Variants in IL2RA observed in about 807,000 individuals in gnomAD.
IL2RA encodes the protein interleukin-2 receptor subunit alpha.
Under a neutral mutation model 37.8 loss-of-function variants are expected in IL2RA, and 24 were observed. The observed-to-expected ratio is 0.63, with a 90% CI of 0.46 to 0.89. IL2RA has a LOEUF of 0.89. Ranked by LOEUF, IL2RA falls within the 40% of genes least tolerant of loss-of-function variation. The probability of loss-of-function intolerance (pLI) is 0.00; values close to 1 mark genes in which losing one functional copy is unlikely to be tolerated. For synonymous variants in IL2RA, 125 were observed against 114.6 expected (o/e 1.09, Z -0.58); for missense variants, 319 against 348.6 (o/e 0.92, Z 0.68).
Position 6,028,750 on chromosome 10 carries a change from C to T in IL2RA, c.65-2725G>A, listed in dbSNP as rs1393997983. ...TGGTGGCTCATGCCTGTAATCCCAG[C>T]ACTTTGGGGCGACAAGGCAGGCGGA... On this transcript the variant is annotated intron_variant, in intron 1 of 7. Coordinates refer to ENST00000379959, the MANE Select transcript of IL2RA (RefSeq NM_000417.3). The surrounding 1 kb of genome is among the most constrained non-coding windows in gnomAD (Gnocchi z 4.1). Among the ~76,000 whole-genome samples the T allele has an allele frequency of 6.6e-6, 1 of 152,192 alleles. No homozygotes were observed. The highest frequency in any genetic ancestry group is 6.5e-5 in the Admixed American group (1 of 15,288).
At chr10:6,032,819 G>C (rs78550519) in intron 1 of IL2RA, among the ~76,000 whole-genome samples, 3,342 of 152,130 alleles carry the variant, frequency 0.022, 186 homozygotes, top group East Asian at 0.18. Flanking sequence ...AGAGTAAAAG[G>C]CAAACAGCCC....
Position 6,048,822 on chromosome 10 carries a change from G to A in IL2RA, c.64+13266C>T, listed in dbSNP as rs1028808798. Among the ~76,000 whole-genome samples the A allele has an allele frequency of 2.0e-5, 3 of 152,152 alleles. No homozygotes were observed. The highest frequency in any genetic ancestry group is 7.2e-5 in the African/African-American group (3 of 41,432). The stretch of plus-strand genomic sequence containing the variant: ...CTCTGGGATGTTCTGTTCCTTCCAG[G>A]ACACAGTTTAAGCCCAGTGACATGG... On this transcript the variant is annotated intron_variant, in intron 1 of 7. Transcript: ENST00000379959. This position sits in a 1 kb window ranked among gnomAD's most constrained non-coding sequence, Gnocchi z 5.3.
chr10:6,021,380 A>G lies in IL2RA; in HGVS notation c.583+98T>C. ...CCAGGGAGATCAAGGGTCTTGTCCAAGGACCACTCTTGTCCAGCAGGAGTG... is the reference window on the plus strand; with the variant it reads ...CCAGGGAGATCAAGGGTCTTGTCCAGGGACCACTCTTGTCCAGCAGGAGTG... On this transcript the variant is annotated intron_variant, in intron 4 of 7. Coordinates refer to ENST00000379959, the MANE Select transcript of IL2RA (RefSeq NM_000417.3). The surrounding 1 kb of genome is among the most constrained non-coding windows in gnomAD (Gnocchi z 4.9). The G allele has an allele frequency of 9.8e-7, 1 of 1,019,168 alleles. No individual in the cohort carries two copies. Among genetic ancestry groups the G allele is most frequent in the Non-Finnish European group, 1.6e-6 (1 of 641,902 alleles). The allele number at this position is 1,019,168 out of a possible 1,614,324, so 63.1% of individuals were successfully genotyped here. A position where few individuals can be genotyped will look rare whatever the true frequency, so the allele number is the denominator to read the frequency against.
In IL2RA at chr10:6,033,465, T is replaced by A. The variant is rs1839633607; in HGVS notation, c.65-7440A>T. On this transcript the variant is annotated intron_variant, in intron 1 of 7. Transcript: ENST00000379959. The surrounding 1 kb of genome is among the most constrained non-coding windows in gnomAD (Gnocchi z 4.3). ...AAAGACTTTTATAAAATATTTATAG[T>A]AACTTCTTTCTTTTATTAAGCCCCT... Among the ~76,000 whole-genome samples, 1 of 152,250 alleles carries A rather than the reference T, an allele frequency of 6.6e-6. No homozygotes were observed. The highest frequency in any genetic ancestry group is 2.4e-5 in the African/African-American group (1 of 41,462).
rs1053018332 is a variant in IL2RA, at chr10:6,046,382, C to A, written c.64+15706G>T. Among the ~76,000 whole-genome samples the A allele has an allele frequency of 6.6e-6, 1 of 152,144 alleles. No individual in the cohort carries two copies. Among genetic ancestry groups the A allele is most frequent in the Non-Finnish European group, 1.5e-5 (1 of 68,040 alleles). ...AGAAGGGTTCAGTAGAGACAAACAG[C>A]ATCATAAAAGTGTCAAATCCGTGTG... On this transcript the variant is annotated intron_variant, in intron 1 of 7. Coordinates refer to ENST00000379959, the MANE Select transcript of IL2RA (RefSeq NM_000417.3). The surrounding 1 kb of genome is among the most constrained non-coding windows in gnomAD (Gnocchi z 4.8).
At chr10:6,017,775 C>T (rs1839303942) in intron 7 of IL2RA, among the ~76,000 whole-genome samples, 1 of 152,066 alleles carries the variant, frequency 6.6e-6, no homozygotes, top group African/African-American at 2.4e-5. Flanking sequence ...TGGGGTTTTG[C>T]CATGTTGGCC....
rs79675038 is a variant in IL2RA at position 6,028,704 on chromosome 10, A to G, written c.65-2679T>C. Among the ~76,000 whole-genome samples, 595 of 152,320 alleles carry G rather than the reference A, an allele frequency of 3.9e-3. 3 individuals are homozygous for G. The highest frequency in any genetic ancestry group is 0.026 in the Admixed American group (393 of 15,296). On this transcript the variant is annotated intron_variant, in intron 1 of 7. Coordinates refer to ENST00000379959, the MANE Select transcript of IL2RA (RefSeq NM_000417.3). The surrounding 1 kb of genome is among the most constrained non-coding windows in gnomAD (Gnocchi z 4.1). ...CTACTCAAAAAAGTGCTCAATAGAA[A>G]CAGACCCGTAAAATTGGGTGTGGTG... is the stretch of plus-strand genomic sequence containing the variant.
chr10:6,019,578 C>T (rs1390829047), intron 5 of IL2RA, 79 bp from the exon 6 acceptor site: 12 of 1,084,768 alleles, frequency 1.1e-5, no homozygotes, highest in Admixed American at 6.8e-5. Flanking sequence ...GTCAGGGTGT[C>T]TCTGTGAATG....
Position 6,047,254 on chromosome 10 carries a change from C to T in IL2RA, c.64+14834G>A, listed in dbSNP as rs758301373. On this transcript the variant is annotated intron_variant, in intron 1 of 7. Coordinates refer to ENST00000379959, the MANE Select transcript of IL2RA (RefSeq NM_000417.3). This position sits in a 1 kb window ranked among gnomAD's most constrained non-coding sequence, Gnocchi z 5.0. ...CCCCCATGCCAACAGCACTCCATCC[C>T]GACCTCATACCATGTGCACAGCACC... Among the ~76,000 whole-genome samples the T allele has an allele frequency of 7.9e-5, 12 of 152,226 alleles. No individual in the cohort carries two copies. The highest frequency in any genetic ancestry group is 2.1e-4 in the South Asian group (1 of 4,832).
chr10:6,012,730 G>T lies in IL2RA; in HGVS notation c.*142C>A. Reference sequence around the variant, plus strand: ...GCCACTGCCCCGTGTCCTGTGATGTGACTTCAGAGCTTCCAAAACGCAGGC... The same window carrying T: ...GCCACTGCCCCGTGTCCTGTGATGTTACTTCAGAGCTTCCAAAACGCAGGC... On this transcript the variant is annotated 3_prime_UTR_variant, in exon 8 of 8. Transcript: ENST00000379959. The surrounding 1 kb of genome is among the most constrained non-coding windows in gnomAD (Gnocchi z 4.8). 1 of 851,112 alleles carries T rather than the reference G, an allele frequency of 1.2e-6. No individual in the cohort carries two copies. The highest frequency in any genetic ancestry group is 2.0e-6 in the Non-Finnish European group (1 of 496,162). The allele number at this position is 851,112 out of a possible 1,614,324, so 52.7% of individuals were successfully genotyped here.
Position 6,029,384 on chromosome 10 carries a change from C to T in IL2RA, c.65-3359G>A, listed in dbSNP as rs12722552. On this transcript the variant is annotated intron_variant, in intron 1 of 7. Transcript: ENST00000379959. This position sits in a 1 kb window ranked among gnomAD's most constrained non-coding sequence, Gnocchi z 4.6. ...TTCACCACGTTTGCCAGGCTGGTCT[C>T]GAACTCCTGACCTCAGGTGATCCAC... 0.078 allele frequency among the ~76,000 whole-genome samples: 11,828 copies of T among 152,010 alleles called. 594 individuals are homozygous for T. The highest frequency in any genetic ancestry group is 0.11 in the Non-Finnish European group (7,640 of 67,964).
chr10:6,035,126 T>C lies in IL2RA; in HGVS notation c.65-9101A>G, dbSNP rs943231488. 1.3e-5 allele frequency among the ~76,000 whole-genome samples: 2 copies of C among 152,170 alleles called. No individual in the cohort carries two copies. Among genetic ancestry groups the C allele is most frequent in the African/African-American group, 2.4e-5 (1 of 41,424 alleles). ...TCACACAAAGGGGTTGGCACAGGGC[T>C]GAGAAGCAGTGGGGCTCCTGTCCAC... On this transcript the variant is annotated intron_variant, in intron 1 of 7. Coordinates refer to ENST00000379959, the MANE Select transcript of IL2RA (RefSeq NM_000417.3). This position sits in a 1 kb window ranked among gnomAD's most constrained non-coding sequence, Gnocchi z 5.4.
In IL2RA at chr10:6,018,975, ACTACCAACCAAC is replaced by A. The variant is rs772073769; in HGVS notation, c.727+441_727+452del. ...GCTAACCAACCAAACTACCAACAAAACTACCAACCAACCTGCCAATCTACCACCCTAACAACC... is the reference window on the plus strand; with the variant it reads ...GCTAACCAACCAAACTACCAACAAAACTGCCAATCTACCACCCTAACAACC... On this transcript the variant is annotated intron_variant, in intron 6 of 7. Transcript: ENST00000379959. This position sits in a 1 kb window ranked among gnomAD's most constrained non-coding sequence, Gnocchi z 5.1. Among the ~76,000 whole-genome samples the A allele has an allele frequency of 3.3e-5, 5 of 151,466 alleles. No homozygotes were observed. The South Asian group carries it at 8.4e-4, about 25-fold the overall frequency.
Position 6,032,464 on chromosome 10 carries a change from G to A in IL2RA, c.65-6439C>T, listed in dbSNP as rs887527736. 1.4e-4 allele frequency among the ~76,000 whole-genome samples: 22 copies of A among 151,808 alleles called. No homozygotes were observed. The East Asian group carries it at 1.5e-3, about 11-fold the overall frequency. On this transcript the variant is annotated intron_variant, in intron 1 of 7. Transcript: ENST00000379959. ...TCCCAGCACTTTGGGAGGCCGGGGC[G>A]GGCAGATCACAAGGTCAGGAGATGG...
chr10:6,061,665 T>C (rs961439007), intron 1 of IL2RA, among the ~76,000 whole-genome samples: 1 of 152,236 alleles, frequency 6.6e-6, no homozygotes, highest in Non-Finnish European at 1.5e-5. Context: ...TGAGTACTCA[T>C]GTCTCCAGCA....
intron 3 of IL2RA, among the ~76,000 whole-genome samples, chr10:6,023,912 G>T (rs1839432485): frequency 6.6e-6 from 1 of 152,256 alleles, no homozygotes; most frequent in African/African-American, 2.4e-5. Flanking sequence ...ACTCTTGTTT[G>T]TGTCTTCTAT....
At chr10:6,045,702 T>C (rs973562935) in intron 1 of IL2RA, among the ~76,000 whole-genome samples, 1 of 152,162 alleles carries the variant, frequency 6.6e-6, no homozygotes, top group African/African-American at 2.4e-5. Flanking sequence ...TTAGTAGAAA[T>C]ATGCTAAATT....
intron 1 of IL2RA, among the ~76,000 whole-genome samples, chr10:6,060,485 G>A (rs946214124): frequency 2.0e-5 from 3 of 152,170 alleles, no homozygotes; most frequent in Admixed American, 1.3e-4. Flanking sequence ...GGTCAGGCGC[G>A]ATGGCTCACA....
chr10:6,045,931 A>G (rs1839848166), intron 1 of IL2RA, among the ~76,000 whole-genome samples: 1 of 152,208 alleles, frequency 6.6e-6, no homozygotes, highest in Non-Finnish European at 1.5e-5. Context: ...CTCCAAAGTC[A>G]TGATGCTAAG....
Sources: allele counts gnomAD v4.1 joint callset (sites outside exome capture counted in the v4.1 genomes callset), GRCh38; gene constraint gnomAD v4.1.1; non-coding constraint Gnocchi (gnomAD v3.1); transcripts MANE v1.5; gene names NCBI Gene and HGNC (gene_info 2026-07-23, HGNC 2026-07-21).